The following CRCP variants were observed in gnomAD, a reference collection of about 807,000 sequenced individuals.
The protein encoded by CRCP is CGRP receptor component.
In CRCP, 18 loss-of-function variants were observed where a neutral mutation model predicts 18.5. That is an observed-to-expected ratio of 0.97 (90% CI 0.67 to 1.44). CRCP has a LOEUF of 1.44. Among genes scored for constraint, CRCP ranks in the 40% most tolerant of loss-of-function variants. The probability of loss-of-function intolerance (pLI) is 0.00; values close to 1 mark genes in which losing one functional copy is unlikely to be tolerated. For missense variants in CRCP, 130 were observed against 176.4 expected (o/e 0.74, Z 1.49); for synonymous variants, 53 against 62.9 (o/e 0.84, Z 0.75).
At chr7:66,149,359 A>T (rs892563873) in intron 5 of CRCP, among the ~76,000 whole-genome samples, 2 of 152,170 alleles carry the variant, frequency 1.3e-5, no homozygotes, top group African/African-American at 4.8e-5. Flanking sequence ...ACAAAAAATA[A>T]TAAAAAATAA....
chr7:66,133,911 T>G (rs1247395094), intron 3 of CRCP, among the ~76,000 whole-genome samples: 2 of 143,444 alleles, frequency 1.4e-5, no homozygotes, highest in Non-Finnish European at 3.0e-5. Flanking sequence ...CAGGCTGGAG[T>G]GCCATGGTGT....
At chr7:66,143,076 A>G (rs1584093944) in intron 4 of CRCP, among the ~76,000 whole-genome samples, 1 of 150,938 alleles carries the variant, frequency 6.6e-6, no homozygotes, top group Non-Finnish European at 1.5e-5. Context: ...CTGTTCCCTC[A>G]CTCCTCCTCC....
intron 1 of CRCP, among the ~76,000 whole-genome samples, chr7:66,116,431 A>G (rs1452461392): frequency 3.3e-5 from 5 of 151,250 alleles, no homozygotes; most frequent in African/African-American, 1.2e-4. Context: ...GGAGGCTGCA[A>G]TGAGCTGAGA....
intron 1 of CRCP, among the ~76,000 whole-genome samples, chr7:66,123,134 T>G (rs1787501668): frequency 6.6e-6 from 1 of 151,902 alleles, no homozygotes; most frequent in African/African-American, 2.4e-5. Context: ...TTTTGTATTT[T>G]TAGTAGAGAC....
intron 1 of CRCP, among the ~76,000 whole-genome samples, chr7:66,119,958 G>A (rs1047278322): frequency 6.6e-6 from 1 of 151,990 alleles, no homozygotes; most frequent in Non-Finnish European, 1.5e-5. Flanking sequence ...TGAGTGGGGC[G>A]GATCATGAGG....
chr7:66,145,241 G>C (rs1788258199), intron 4 of CRCP, among the ~76,000 whole-genome samples: 1 of 152,172 alleles, frequency 6.6e-6, no homozygotes, highest in Non-Finnish European at 1.5e-5. Flanking sequence ...TCATGCCTCT[G>C]ATACCCATTC....
In CRCP at chr7:66,152,640, C is replaced by T. The variant is rs947596939; in HGVS notation, c.*283C>T. 5.3e-6 allele frequency: 2 copies of T among 379,902 alleles called. No homozygotes were observed. The highest frequency in any genetic ancestry group is 9.9e-6 in the Non-Finnish European group (2 of 202,306). 23.5% of individuals were successfully genotyped at this position (379,902 alleles called of 1,614,324 possible). A position where few individuals can be genotyped will look rare whatever the true frequency, so the allele number is the denominator to read the frequency against. On this transcript the variant is annotated 3_prime_UTR_variant, in exon 6 of 6. Coordinates refer to ENST00000395326, the MANE Select transcript of CRCP (RefSeq NM_014478.5). Reference sequence around the variant, plus strand: ...AAGATTTCCTCCACGGCCTTTGCCCCAGTTGTGGGGAGGTCTCTGTGCACA... The same window carrying T: ...AAGATTTCCTCCACGGCCTTTGCCCTAGTTGTGGGGAGGTCTCTGTGCACA...
intron 4 of CRCP, among the ~76,000 whole-genome samples, chr7:66,138,969 T>C (rs1450233767): frequency 6.6e-6 from 1 of 152,144 alleles, no homozygotes; most frequent in Non-Finnish European, 1.5e-5. Context: ...ATTTTTGAAA[T>C]ATTTTTTCTA....
chr7:66,144,229 G>A (rs1428058574), intron 4 of CRCP, among the ~76,000 whole-genome samples: 1 of 152,142 alleles, frequency 6.6e-6, no homozygotes, highest in Non-Finnish European at 1.5e-5. Flanking sequence ...TTCTTTCTTT[G>A]AGGCAGATGA....
At chr7:66,140,223 C>G (rs556187524) in intron 4 of CRCP, among the ~76,000 whole-genome samples, 16 of 152,294 alleles carry the variant, frequency 1.1e-4, no homozygotes, top group Non-Finnish European at 2.1e-4. Flanking sequence ...GCAGCTGCAC[C>G]AGGATTGAGG....
intron 2 of CRCP, among the ~76,000 whole-genome samples, chr7:66,128,047 C>T (rs1461610459): frequency 1.4e-5 from 2 of 147,014 alleles, no homozygotes; most frequent in South Asian, 2.1e-4. Context: ...ACCCAGGAGG[C>T]GGAGGTTGCA....
chr7:66,134,215 GT>G (rs1362885941), intron 3 of CRCP, 64 bp from the exon 4 acceptor site: 9 of 1,247,612 alleles, frequency 7.2e-6, no homozygotes, highest in Non-Finnish European at 1.0e-5. Context: ...CATTGCCTTT[GT>G]TTTTTCTCAT....
At chr7:66,127,661 G>A (rs776056773) in intron 1 of CRCP, 43 bp from the exon 2 acceptor site, 8 of 1,609,738 alleles carry the variant, frequency 5.0e-6, no homozygotes, top group South Asian at 4.4e-5. Flanking sequence ...ACCCAGAAAG[G>A]GGTGTGAGCC....
chr7:66,135,996 GACCAA>G (rs1446195501), intron 4 of CRCP, among the ~76,000 whole-genome samples: 1 of 152,070 alleles, frequency 6.6e-6, no homozygotes, highest in African/African-American at 2.4e-5. Flanking sequence ...CCAGAATTCA[GACCAA>G]ATTGGATGAA....
At chr7:66,151,451 C>T (rs1311358072) in intron 5 of CRCP, among the ~76,000 whole-genome samples, 3 of 152,032 alleles carry the variant, frequency 2.0e-5, no homozygotes, top group African/African-American at 4.8e-5. Flanking sequence ...TGCCTGTAGT[C>T]CCAGCTATTC....
intron 5 of CRCP, among the ~76,000 whole-genome samples, chr7:66,148,826 C>T (rs1788373828): frequency 6.6e-6 from 1 of 152,254 alleles, no homozygotes; most frequent in Admixed American, 6.5e-5. Flanking sequence ...GCTTGTAAAA[C>T]ACTGTTACAT....
At chr7:66,117,285 C>T (rs889147747) in intron 1 of CRCP, among the ~76,000 whole-genome samples, 3 of 152,132 alleles carry the variant, frequency 2.0e-5, no homozygotes, top group Admixed American at 6.6e-5. Context: ...ACATCAAGGA[C>T]TACTTCAGTG....
chr7:66,123,243 T>C (rs1787505386), intron 1 of CRCP, among the ~76,000 whole-genome samples: 1 of 151,924 alleles, frequency 6.6e-6, no homozygotes, highest in African/African-American at 2.4e-5. Flanking sequence ...TGTGAGCCAC[T>C]GCGCCTGGCG....
chr7:66,131,137 G>A lies in CRCP; in HGVS notation c.144+295G>A, dbSNP rs1218068139. ...CTGCAGGCGCCCTCCACCACGGCCAGCTGATTTTTTGTATTTTTAGTAGAG... is the reference window on the plus strand; with the variant it reads ...CTGCAGGCGCCCTCCACCACGGCCAACTGATTTTTTGTATTTTTAGTAGAG... On this transcript the variant is annotated intron_variant, in intron 3 of 5. Transcript: ENST00000395326. Among the ~76,000 whole-genome samples, 3 of 152,170 alleles carry A rather than the reference G, an allele frequency of 2.0e-5. No homozygotes were observed. In the East Asian group the frequency reaches 5.8e-4, roughly 29 times the overall value.
Sources: allele counts gnomAD v4.1 joint callset (sites outside exome capture counted in the v4.1 genomes callset), GRCh38; gene constraint gnomAD v4.1.1; transcripts MANE v1.5; gene names NCBI Gene and HGNC (gene_info 2026-07-23, HGNC 2026-07-21).